UGGT1: variants seen among roughly 807,000 people sequenced by gnomAD.
UGGT1 encodes UDP-glucose glycoprotein glucosyltransferase 1.
A neutral mutation model predicts 203.9 loss-of-function variants in UGGT1; 107 were observed. The observed-to-expected ratio is 0.52, with a 90% CI of 0.45 to 0.62. UGGT1 has a LOEUF of 0.62. UGGT1 is among the 20% of genes least tolerant of loss of function. UGGT1 has a pLI of 0.00. For synonymous variants in UGGT1, 628 were observed against 653.5 expected, an observed-to-expected ratio of 0.96 and a Z score of 0.59; for missense variants, 1,673 against 1,867.2, an observed-to-expected ratio of 0.90 and a Z score of 1.92.
At chr2:128,131,512 G>A (rs1295365322) in intron 13 of UGGT1, among the ~76,000 whole-genome samples, 1 of 152,098 alleles carries the variant, frequency 6.6e-6, no homozygotes, top group Non-Finnish European at 1.5e-5. Flanking sequence ...TTTTGCTGTT[G>A]TAAACACTAC....
chr2:128,151,339 G>A (rs10928809), intron 18 of UGGT1: 301,438 of 521,586 alleles, frequency 0.58, 88,964 homozygotes, highest in Admixed American at 0.65. Context: ...CGCCTGCCAC[G>A]CCTTCCCCAG....
intron 3 of UGGT1, 122 bp downstream of exon 3, chr2:128,104,136 G>A: frequency 1.5e-6 from 1 of 669,676 alleles, no homozygotes. Flanking sequence ...TTAATGACTG[G>A]AGTTATGATG....
intron 8 of UGGT1, among the ~76,000 whole-genome samples, chr2:128,117,071 T>C (rs908485397): frequency 2.6e-5 from 4 of 152,084 alleles, no homozygotes; most frequent in African/African-American, 9.7e-5. Flanking sequence ...GGAAAAACAT[T>C]TTATTATTAT....
chr2:128,179,976 C>A, intron 35 of UGGT1, 106 bp downstream of exon 35: 1 of 898,634 alleles, frequency 1.1e-6, no homozygotes. Flanking sequence ...TTTCCATTTA[C>A]TAAGATACCC....
rs1690278243 is a variant in UGGT1 at position 128,157,208 on chromosome 2, GCTTC to G, written c.2261-43_2261-40del. Reference sequence around the variant, plus strand: ...TTCAGAATGTTGAAACACAGAATGTGCTTCTCTCCTCTGACTCAATTAGCTGTTT... The same window carrying G: ...TTCAGAATGTTGAAACACAGAATGTGTCTCCTCTGACTCAATTAGCTGTTT... On this transcript the variant is annotated intron_variant, in intron 21 of 40. Transcript: ENST00000259253. The G allele has an allele frequency of 3.0e-6, 4 of 1,352,630 alleles. No individual in the cohort carries two copies. The East Asian group carries it at 9.2e-5, about 31-fold the overall frequency. 83.8% of individuals were successfully genotyped at this position (1,352,630 alleles called of 1,614,324 possible).
intron 18 of UGGT1, among the ~76,000 whole-genome samples, chr2:128,152,583 A>C (rs1191689070): frequency 6.6e-6 from 1 of 152,188 alleles, no homozygotes; most frequent in Non-Finnish European, 1.5e-5. Flanking sequence ...CACGTTGTTG[A>C]TAGAGGTAGA....
In UGGT1 at chr2:128,159,546, C is replaced by G; in HGVS notation, c.2388C>G (p.Ile796Met). The G allele has an allele frequency of 6.2e-7, 1 of 1,614,150 alleles. No homozygotes were observed. ...GTAACAATGTTAGAATAAGCATGAT[C>G]AATAATCCTGCCAAAGAGATAAGCT... ...KSSNNVRISM[I>M]NNPAKEISYE... is the part of the protein sequence containing the mutation. The change falls in exon 23 of 41, where the codon ATC becomes ATG. Residue 796 changes from isoleucine to methionine, a missense_variant. By Grantham distance (10) the Ile-to-Met change is conservative. Around this residue, in one of 4 missense-constraint regions of UGGT1, gnomAD observed 1,073 missense variants for 1,078.7 expected, o/e 0.99. Coordinates refer to ENST00000259253, the MANE Select transcript of UGGT1 (RefSeq NM_020120.4).
At chr2:128,156,477 G>T in intron 21 of UGGT1, 62 bp downstream of exon 21, 2 of 1,327,276 alleles carry the variant, frequency 1.5e-6, no homozygotes, top group South Asian at 1.2e-5. Flanking sequence ...AGTGACCATT[G>T]TAATTTAGAA....
rs918307293 is a variant in UGGT1, at chr2:128,121,310, T to G, written c.1073+12T>G. On this transcript the variant is annotated intron_variant, in intron 10 of 40. Coordinates refer to ENST00000259253, the MANE Select transcript of UGGT1 (RefSeq NM_020120.4). The stretch of plus-strand genomic sequence containing the variant: ...CCTACCAAAGCCAGGTAATGTAGAA[T>G]AATGCTCTTCTCCTTAACATCATAC... 6.3e-7 allele frequency: 1 copy of G among 1,588,068 alleles called. No homozygotes were observed. The highest frequency in any genetic ancestry group is 1.4e-5 in the African/African-American group (1 of 73,974).
At chr2:128,156,553 TA>T in intron 21 of UGGT1, 138 bp downstream of exon 21, 1 of 553,956 alleles carries the variant, frequency 1.8e-6, no homozygotes, top group Non-Finnish European at 3.0e-6. Flanking sequence ...TCAATGTAGA[TA>T]ATTTTTTTTT....
At position 128,138,573 on chromosome 2, in the gene UGGT1, T is replaced by C. The variant is rs563324637; in HGVS notation, c.1584-144T>C. On this transcript the variant is annotated intron_variant, in intron 15 of 40. Coordinates refer to ENST00000259253, the MANE Select transcript of UGGT1 (RefSeq NM_020120.4). ...TATACCTTTGCCAATCATGTTAGAG[T>C]AGAGTAGGCTGTGAACTGTGCTTTT... The C allele has an allele frequency of 4.4e-6, 4 of 904,532 alleles. No homozygotes were observed. The African/African-American group carries it at 5.0e-5, about 11-fold the overall frequency. The allele number at this position is 904,532 out of a possible 1,614,324, so 56.0% of individuals were successfully genotyped here.
chr2:128,166,863 G>A (rs1690821859), intron 26 of UGGT1, among the ~76,000 whole-genome samples: 1 of 152,212 alleles, frequency 6.6e-6, no homozygotes, highest in African/African-American at 2.4e-5. Context: ...GTGTTTCTGA[G>A]CTGATCAGTC....
intron 12 of UGGT1, among the ~76,000 whole-genome samples, chr2:128,127,754 A>G (rs1688671117): frequency 6.6e-6 from 1 of 152,170 alleles, no homozygotes; most frequent in African/African-American, 2.4e-5. Flanking sequence ...GGCTTTTGGA[A>G]CAGTGTGAAG....
chr2:128,117,290 A>G (rs1324876055), intron 8 of UGGT1, among the ~76,000 whole-genome samples: 2 of 152,032 alleles, frequency 1.3e-5, no homozygotes, highest in Non-Finnish European at 2.9e-5. Flanking sequence ...GGGTTTCACC[A>G]TGTTGGCCAG....
At chr2:128,123,154 G>A (rs773539922) in intron 10 of UGGT1, 32 bp from the exon 11 acceptor site, 1 of 1,572,662 alleles carries the variant, frequency 6.4e-7, no homozygotes, top group Non-Finnish European at 8.7e-7. Context: ...CAAATATTAA[G>A]CCAAGCACTC....
At chr2:128,178,654 T>C in intron 34 of UGGT1, 85 bp downstream of exon 34, 3 of 1,158,048 alleles carry the variant, frequency 2.6e-6, no homozygotes. Flanking sequence ...TGTGGGATTC[T>C]GCTCATTATA....
chr2:128,097,391 T>G (rs1230637009), intron 1 of UGGT1, 38 bp from the exon 2 acceptor site: 1 of 1,584,212 alleles, frequency 6.3e-7, no homozygotes, highest in Non-Finnish European at 8.5e-7. Context: ...AAAAAAAATT[T>G]CCTTGTAGCA....
In UGGT1 at chr2:128,152,880, G is replaced by C; in HGVS notation, c.2113G>C (p.Asp705His). 6.2e-7 allele frequency: 1 copy of C among 1,613,910 alleles called. No homozygotes were observed. The highest frequency in any genetic ancestry group is 8.5e-7 in the Non-Finnish European group (1 of 1,179,968). The change falls in exon 19 of 41, where the codon GAC becomes CAC. Residue 705 changes from aspartate (D) to histidine (H), a missense_variant. Asp to His is a moderately conservative substitution (Grantham distance 81). Transcript: ENST00000259253. ...INSRILTAER[D>H]YLDLTASNNF... ...TTCTAGGATTTTGACAGCTGAACGAGACTACCTGGATTTAACAGCGAGTAG... is the reference window on the plus strand; with the variant it reads ...TTCTAGGATTTTGACAGCTGAACGACACTACCTGGATTTAACAGCGAGTAG...
At chr2:128,102,109 G>C (rs1373827080) in intron 2 of UGGT1, among the ~76,000 whole-genome samples, 1 of 151,822 alleles carries the variant, frequency 6.6e-6, no homozygotes, top group Non-Finnish European at 1.5e-5. Flanking sequence ...ATATTTTAAA[G>C]CAAATCCCAG....
Sources: allele counts gnomAD v4.1 joint callset (sites outside exome capture counted in the v4.1 genomes callset), GRCh38; gene constraint gnomAD v4.1.1; regional missense constraint gnomAD v4.1.1; transcripts MANE v1.5; gene names NCBI Gene and HGNC (gene_info 2026-07-23, HGNC 2026-07-21).